Variants in DNAI3 observed in about 807,000 individuals in gnomAD.
DNAI3 encodes WD repeat domain 63.
A neutral mutation model predicts 115.5 loss-of-function variants in DNAI3; 83 were observed. That is an observed-to-expected ratio of 0.72 (90% CI 0.60 to 0.86). DNAI3 has a LOEUF of 0.86. Among genes scored for constraint, DNAI3 ranks in the 40% least tolerant of loss-of-function variants. The probability of loss-of-function intolerance (pLI) is 0.00; values close to 1 mark genes in which losing one functional copy is unlikely to be tolerated. For missense variants in DNAI3, 1,004 were observed against 1,075.8 expected, an observed-to-expected ratio of 0.93 and a Z score of 0.93; for synonymous variants, 320 against 347.0, an observed-to-expected ratio of 0.92 and a Z score of 0.86.
rs200289852 is a variant in DNAI3, at chr1:85,084,586, A to C, written c.431A>C (p.His144Pro). 2 of 1,546,524 alleles carry C rather than the reference A, an allele frequency of 1.3e-6. No homozygotes were observed. Among genetic ancestry groups the C allele is most frequent in the African/African-American group, 2.8e-5 (2 of 71,636 alleles). ...VPEEQEEYKE[H>P]IPEDVYIYKP... is the part of the protein sequence containing the mutation. ...GAAGAACAAGAAGAATATAAAGAACATATTCCTGAAGATGTGTATATTTAT... is the reference window on the plus strand; with the variant it reads ...GAAGAACAAGAAGAATATAAAGAACCTATTCCTGAAGATGTGTATATTTAT... The change falls in exon 6 of 23, where the codon CAT (histidine) becomes CCT (proline). Residue 144 changes from histidine to proline, a missense_variant. By Grantham distance (77) the His-to-Pro change is moderately conservative. Around this residue, in one of 3 missense-constraint regions of DNAI3, gnomAD observed 550 missense variants for 568.1 expected, o/e 0.97. Transcript: ENST00000294664.
intron 19 of DNAI3, among the ~76,000 whole-genome samples, chr1:85,125,534 G>GAT (rs1656108246): frequency 1.3e-5 from 1 of 75,694 alleles, no homozygotes; most frequent in Non-Finnish European, 3.5e-5. Context: ...CTGTATGTTT[G>GAT]ATTTTTTTTT....
At chr1:85,122,575 G>C (rs924734738) in intron 18 of DNAI3, among the ~76,000 whole-genome samples, 2 of 152,188 alleles carry the variant, frequency 1.3e-5, no homozygotes, top group African/African-American at 2.4e-5. Context: ...AGCAAACGAA[G>C]AGGCAGCTCC....
At chr1:85,093,271 T>G (rs1165592108) in intron 8 of DNAI3, among the ~76,000 whole-genome samples, 187 bp from the exon 9 acceptor site, 1 of 152,242 alleles carries the variant, frequency 6.6e-6, no homozygotes, top group Non-Finnish European at 1.5e-5. Flanking sequence ...CTGAGTAACA[T>G]GCCACCATGA....
chr1:85,077,248 A>G (rs1392864537), intron 3 of DNAI3, among the ~76,000 whole-genome samples: 1 of 152,196 alleles, frequency 6.6e-6, no homozygotes, highest in East Asian at 1.9e-4. Context: ...GAACAGTTAG[A>G]TAGCTGTAAG....
intron 3 of DNAI3, among the ~76,000 whole-genome samples, chr1:85,078,741 C>T (rs1654539482): frequency 6.6e-6 from 1 of 152,178 alleles, no homozygotes; most frequent in South Asian, 2.1e-4. Context: ...TGGTACTGGA[C>T]TATAGCAGTT....
intron 20 of DNAI3, among the ~76,000 whole-genome samples, chr1:85,127,254 C>T (rs74691078): frequency 0.052 from 7,935 of 152,130 alleles, 269 homozygotes; most frequent in East Asian, 0.15. Context: ...TAAGCTTTAA[C>T]CTTTGAACCA....
intron 10 of DNAI3, 30 bp downstream of exon 10, chr1:85,094,585 A>T: frequency 6.2e-7 from 1 of 1,607,804 alleles, no homozygotes; most frequent in Non-Finnish European, 8.5e-7. Context: ...TACATAGCCT[A>T]AATTTTCAAA....
rs553220422 is a variant in DNAI3 at position 85,128,729 on chromosome 1, C to T, written c.2339C>T (p.Thr780Ile). Residue 780 changes from threonine to isoleucine, a missense_variant, in exon 21 of 23, where the codon ACA becomes ATA. Coordinates refer to ENST00000294664, the MANE Select transcript of DNAI3 (RefSeq NM_145172.5). The part of the protein sequence containing the change: ...IFSSKQQFIA[T>I]ADYYGTLHIL... ...TCAGCTAAACAGCAATTTATAGCCA[C>T]AGCTGATTATTATGGAACACTGCAT... 6.2e-7 allele frequency: 1 copy of T among 1,608,304 alleles called. No individual in the cohort carries two copies. The highest frequency in any genetic ancestry group is 8.5e-7 in the Non-Finnish European group (1 of 1,178,842).
intron 18 of DNAI3, among the ~76,000 whole-genome samples, chr1:85,123,209 C>T (rs1213306613): frequency 4.6e-5 from 7 of 152,178 alleles, no homozygotes; most frequent in Admixed American, 4.6e-4. Flanking sequence ...CCTCTCTCAC[C>T]AGAACTGCCA....
intron 1 of DNAI3, among the ~76,000 whole-genome samples, chr1:85,067,759 T>C (rs1161607458): frequency 3.3e-5 from 5 of 152,180 alleles, no homozygotes; most frequent in African/African-American, 1.2e-4. Context: ...CTCTCCCTTC[T>C]GACTTTGAAG....
At chr1:85,082,537 C>T in intron 5 of DNAI3, 133 bp downstream of exon 5, 1 of 682,330 alleles carries the variant, frequency 1.5e-6, no homozygotes, top group South Asian at 1.8e-5. Context: ...GTCAATCTCC[C>T]AGGCCCAAGT....
intron 3 of DNAI3, among the ~76,000 whole-genome samples, chr1:85,079,352 C>T (rs1654556115): frequency 6.6e-6 from 1 of 152,230 alleles, no homozygotes; most frequent in Non-Finnish European, 1.5e-5. Flanking sequence ...AAATATGCTT[C>T]TGCATATAAT....
chr1:85,130,667 TGATAGATAGATAGATAGATA>T lies in DNAI3; in HGVS notation c.2532+588_2532+607del, dbSNP rs71736981. ...AATGATAGATGATAGATTAGATAGA[TGATAGATAGATAGATAGATA>T]GATAGATAGATAGATAGATAGATAG... On this transcript the variant is annotated intron_variant, in intron 22 of 22. Transcript: ENST00000294664. Among the ~76,000 whole-genome samples, 1,264 of 148,472 alleles carry T rather than the reference TGATAGATAGATAGATAGATA, an allele frequency of 8.5e-3. 11 individuals are homozygous for T. The highest frequency in any genetic ancestry group is 0.022 in the African/African-American group (886 of 40,286).
At chr1:85,111,306 T>C (rs533088790) in intron 16 of DNAI3, among the ~76,000 whole-genome samples, 44 of 152,294 alleles carry the variant, frequency 2.9e-4, no homozygotes, top group Non-Finnish European at 5.0e-4. Context: ...GTTTCTCTAT[T>C]AGGGCCTGCT....
intron 9 of DNAI3, chr1:85,094,095 G>A: frequency 4.9e-6 from 2 of 408,062 alleles, no homozygotes; most frequent in South Asian, 4.4e-5. Context: ...GAAAGAGAGA[G>A]GTATTTGTCC....
Position 85,096,024 on chromosome 1 carries a change from C to T in DNAI3, c.1263+4C>T. 1.9e-6 allele frequency: 3 copies of T among 1,613,304 alleles called. No homozygotes were observed. In the Admixed American group the frequency reaches 5.0e-5, roughly 27 times the overall value. On this transcript the variant is annotated splice_donor_region_variant and intron_variant, in intron 11 of 22. Transcript: ENST00000294664. ...TGGAGGCTGTATCAATGGGCAGGTA[C>T]TTAACAGAATTTTTTTCAGCTATGT...
At chr1:85,100,892 A>G (rs1303237387) in intron 13 of DNAI3, among the ~76,000 whole-genome samples, 1 of 150,068 alleles carries the variant, frequency 6.7e-6, no homozygotes, top group East Asian at 2.0e-4. Flanking sequence ...CAAACACCGC[A>G]TGTTCTCACC....
At chr1:85,062,769 A>G (rs977043175) in intron 1 of DNAI3, among the ~76,000 whole-genome samples, 10 of 151,174 alleles carry the variant, frequency 6.6e-5, no homozygotes, top group African/African-American at 1.9e-4. Context: ...TGCCTAGTAC[A>G]TAGTAGGAAC....
At chr1:85,097,098 G>A (rs149292591) in intron 11 of DNAI3, among the ~76,000 whole-genome samples, 54 of 151,834 alleles carry the variant, frequency 3.6e-4, no homozygotes, top group African/African-American at 1.3e-3. Context: ...TTAAAAAATG[G>A]CCTTCTAGAT....
Sources: allele counts gnomAD v4.1 joint callset (sites outside exome capture counted in the v4.1 genomes callset), GRCh38; gene constraint gnomAD v4.1.1; regional missense constraint gnomAD v4.1.1; transcripts MANE v1.5; gene names NCBI Gene and HGNC (gene_info 2026-07-23, HGNC 2026-07-21).